ALG6: variants seen among roughly 807,000 people sequenced by gnomAD.
The protein encoded by ALG6 is dolichyl pyrophosphate Man9GlcNAc2 alpha-1,3-glucosyltransferase.
Under a neutral mutation model 66.6 loss-of-function variants are expected in ALG6, and 46 were observed. The observed-to-expected ratio is 0.69, with a 90% CI of 0.55 to 0.88. The LOEUF is 0.88. Among genes scored for constraint, ALG6 ranks in the 40% least tolerant of loss-of-function variants. The pLI is 0.00. For missense variants in ALG6, 505 were observed against 586.8 expected (o/e 0.86, Z 1.44); for synonymous variants, 185 against 203.7 (o/e 0.91, Z 0.78).
chr1:63,415,509 T>G (rs1222615885), intron 10 of ALG6, among the ~76,000 whole-genome samples: 1 of 152,204 alleles, frequency 6.6e-6, no homozygotes, highest in Non-Finnish European at 1.5e-5. Context: ...GTTACAGATA[T>G]AGCATTATCT....
chr1:63,375,093 C>A lies in ALG6; in HGVS notation c.82+4034C>A, dbSNP rs144420380. On this transcript the variant is annotated intron_variant, in intron 2 of 14. Transcript: ENST00000263440. ...GCACATGCCTGTAGTCCTAGCTACT[C>A]GGGCCTCTGAGGTGGGTGGATTGCT... 7.4e-3 allele frequency among the ~76,000 whole-genome samples: 1,128 copies of A among 151,862 alleles called. 11 individuals carry two copies. Among genetic ancestry groups the A allele is most frequent in the African/African-American group, 0.026 (1,060 of 41,438 alleles).
chr1:63,424,087 G>A (rs774741577), intron 12 of ALG6, among the ~76,000 whole-genome samples: 8 of 152,030 alleles, frequency 5.3e-5, no homozygotes, highest in Non-Finnish European at 8.8e-5. Context: ...ATCTCTTTAT[G>A]TGCTTGTTGG....
intron 2 of ALG6, among the ~76,000 whole-genome samples, chr1:63,396,309 G>A (rs1373431099): frequency 6.6e-6 from 1 of 152,056 alleles, no homozygotes. Context: ...AGTTTAGGGA[G>A]ATTAAGTAAT....
intron 2 of ALG6, among the ~76,000 whole-genome samples, chr1:63,394,172 T>C (rs1315849259): frequency 2.0e-5 from 3 of 152,204 alleles, no homozygotes; most frequent in Non-Finnish European, 2.9e-5. Context: ...AGCAATAATA[T>C]GTCATTCTTC....
At chr1:63,403,800 A>G (rs1355025499) in intron 4 of ALG6, among the ~76,000 whole-genome samples, 1 of 152,204 alleles carries the variant, frequency 6.6e-6, no homozygotes, top group Admixed American at 6.5e-5. Context: ...ATTTAAACAT[A>G]TCAACACATA....
At chr1:63,422,148 A>ACTATAAATTTATATTT (rs1195678746) in intron 12 of ALG6, among the ~76,000 whole-genome samples, 1 of 62,702 alleles carries the variant, frequency 1.6e-5, no homozygotes, top group African/African-American at 7.0e-5. Flanking sequence ...AATATATATA[A>ACTATAAATTTATATTT]ATATAAATAT....
chr1:63,434,524 C>T (rs773916482), intron 14 of ALG6, among the ~76,000 whole-genome samples: 1 of 152,212 alleles, frequency 6.6e-6, no homozygotes, highest in Non-Finnish European at 1.5e-5. Flanking sequence ...CAGAGTTTAG[C>T]GCAAGCTTGT....
Position 63,419,439 on chromosome 1 carries a change from C to T in ALG6, c.1057C>T (p.Leu353=). The T allele has an allele frequency of 6.3e-7, 1 of 1,589,176 alleles. No individual in the cohort carries two copies. The change falls in exon 12 of 15, where the codon CTA becomes TTA. Residue 353 remains leucine, a splice_region_variant and synonymous_variant. Transcript: ENST00000263440. ...TGAAAAATCCATTCTCTTGGTGTCA[C>T]TGTAAGTAGAAACATTTGAAATATG... The part of the protein sequence containing the change: ...VHEKSILLVS[L]PVCLVLSEIP...
rs1023917970 is a variant in ALG6 at position 63,433,679 on chromosome 1, A to G, written c.1327-3144A>G. On this transcript the variant is annotated intron_variant, in intron 14 of 14. Transcript: ENST00000263440. The surrounding 1 kb of genome is among the most constrained non-coding windows in gnomAD (Gnocchi z 4.2). ...GGTGAGGACCGCTATGGGCTCCCAG[A>G]TTTATTTGTTCTTTAATAGTTTTTG... Among the ~76,000 whole-genome samples the G allele has an allele frequency of 6.6e-6, 1 of 152,140 alleles. No individual in the cohort carries two copies. Among genetic ancestry groups the G allele is most frequent in the Non-Finnish European group, 1.5e-5 (1 of 68,024 alleles).
At chr1:63,370,681 G>T (rs1355533850) in intron 1 of ALG6, 90 bp from the exon 2 acceptor site, 2 of 346,966 alleles carry the variant, frequency 5.8e-6, no homozygotes, top group South Asian at 3.2e-5. Context: ...CCCTCCCCTC[G>T]AATTCTCTAT....
intron 14 of ALG6, among the ~76,000 whole-genome samples, chr1:63,434,285 C>G (rs1216803404): frequency 6.6e-6 from 1 of 152,028 alleles, no homozygotes; most frequent in African/African-American, 2.4e-5. Context: ...ACAGGAATTG[C>G]TGGGGTTGTG....
chr1:63,371,051 C>G lies in ALG6; in HGVS notation c.74C>G (p.Ser25Cys), dbSNP rs778354011. The G allele has an allele frequency of 3.1e-6, 5 of 1,600,010 alleles. No individual in the cohort carries two copies. The highest frequency in any genetic ancestry group is 1.7e-4 in the Middle Eastern group (1 of 6,038). Residue 25 changes from serine to cysteine, a missense_variant, in exon 2 of 15, where the codon TCT (serine) becomes TGT (cysteine). Ser to Cys is a moderately radical substitution (Grantham distance 112). Transcript: ENST00000263440. ...GTACGATGGACAGTGTCTCTTAATT[C>G]TTATTCAGGTAATACATTTTTACTG... ...LTVRWTVSLN[S>C]YSGAGKPPMF...
chr1:63,383,535 C>A (rs1422139920), intron 2 of ALG6, among the ~76,000 whole-genome samples: 1 of 152,116 alleles, frequency 6.6e-6, no homozygotes, highest in Admixed American at 6.5e-5. Flanking sequence ...CCTACCTCAG[C>A]CTTACAGGTA....
intron 1 of ALG6, among the ~76,000 whole-genome samples, chr1:63,368,409 A>C (rs66982119): frequency 6.6e-6 from 1 of 151,976 alleles, no homozygotes; most frequent in African/African-American, 2.4e-5. Context: ...ACACTGTTCT[A>C]CAAGTGGGGA....
rs746339839 is a variant in ALG6, at chr1:63,412,047, C to T, written c.802C>T (p.Arg268Cys). 5 of 1,614,030 alleles carry T rather than the reference C, an allele frequency of 3.1e-6. No individual in the cohort carries two copies. The highest frequency in any genetic ancestry group is 1.1e-5 in the South Asian group (1 of 91,080). The change falls in exon 9 of 15, where the codon CGT becomes TGT. Residue 268 changes from arginine (R) to cysteine (C), a missense_variant. Coordinates refer to ENST00000263440, the MANE Select transcript of ALG6 (RefSeq NM_013339.4). ...QVLRRLFPVD[R>C]GLFEDKVANI... is the part of the protein sequence containing the mutation. The stretch of plus-strand genomic sequence containing the variant: ...TCTAAGAAGACTCTTCCCGGTTGAT[C>T]GTGGATTATTTGAGGCATGTTTAAA...
chr1:63,370,681 G>A (rs1355533850), intron 1 of ALG6, 90 bp from the exon 2 acceptor site: 2 of 346,968 alleles, frequency 5.8e-6, no homozygotes, highest in South Asian at 3.2e-5. Flanking sequence ...CCCTCCCCTC[G>A]AATTCTCTAT....
At chr1:63,423,855 A>G (rs1296286039) in intron 12 of ALG6, among the ~76,000 whole-genome samples, 4 of 152,230 alleles carry the variant, frequency 2.6e-5, no homozygotes, top group African/African-American at 9.6e-5. Context: ...GCTGAGTCAC[A>G]TGGCAATTCT....
intron 2 of ALG6, among the ~76,000 whole-genome samples, chr1:63,372,581 C>G (rs2100379989): frequency 6.6e-6 from 1 of 151,332 alleles, no homozygotes. Flanking sequence ...TATACACAGA[C>G]ACACATATAT....
chr1:63,409,916 C>T (rs1039787895), intron 7 of ALG6, among the ~76,000 whole-genome samples: 15 of 152,004 alleles, frequency 9.9e-5, no homozygotes, highest in African/African-American at 2.2e-4. Context: ...AAAAATATGC[C>T]CTCTTTTGTT....
Sources: gnomAD v4.1 joint callset for allele counts (sites outside exome capture counted in the v4.1 genomes callset) on GRCh38, gnomAD v4.1.1 for gene constraint, Gnocchi (gnomAD v3.1) non-coding constraint, MANE v1.5 for transcripts, NCBI Gene and HGNC (gene_info 2026-07-23, HGNC 2026-07-21) for gene names.